COL18A1: variants seen among roughly 807,000 people sequenced by gnomAD.
The protein encoded by COL18A1 is collagen alpha-1(XVIII) chain.
In COL18A1, 133 loss-of-function variants were observed where a neutral mutation model predicts 168.0. The observed-to-expected ratio is 0.79, with a 90% CI of 0.69 to 0.91. The LOEUF is 0.91. Ranked by LOEUF, COL18A1 falls within the 40% of genes least tolerant of loss-of-function variation. The pLI, the probability that COL18A1 is intolerant of heterozygous loss-of-function variation, is 0.00. For missense variants in COL18A1, 2,126 were observed against 1,925.4 expected (o/e 1.10, Z -1.95); for synonymous variants, 949 against 809.0 (o/e 1.17, Z -2.94).
intron 17 of COL18A1, 95 bp from the exon 18 acceptor site, chr21:45,488,323 G>C: frequency 6.6e-7 from 1 of 1,518,916 alleles, no homozygotes; most frequent in Non-Finnish European, 9.1e-7. Flanking sequence ...GTATTTTGAA[G>C]TCTTGACTGT....
intron 41 of COL18A1, 149 bp downstream of exon 41, chr21:45,511,375 G>A (rs1455212252): frequency 8.9e-6 from 6 of 674,718 alleles, no homozygotes; most frequent in Admixed American, 4.2e-5. Context: ...AAAGAGCATT[G>A]AGAAAAATGA....
chr21:45,419,827 C>T (rs1356071783), intron 2 of COL18A1: 2 of 152,176 alleles, frequency 1.3e-5, no homozygotes, highest in African/African-American at 2.4e-5. Flanking sequence ...TAAAATGTCC[C>T]CCGGAACCCC....
chr21:45,462,800 T>C (rs1029807961), intron 2 of COL18A1, among the ~76,000 whole-genome samples: 29 of 152,256 alleles, frequency 1.9e-4, no homozygotes, highest in Admixed American at 1.0e-3. Context: ...TATTTTCTTA[T>C]TGCTTTGTGT....
chr21:45,434,784 G>A (rs2034056070), intron 2 of COL18A1, among the ~76,000 whole-genome samples: 2 of 149,360 alleles, frequency 1.3e-5, no homozygotes, highest in East Asian at 4.1e-4. Flanking sequence ...GGTCCCGGTG[G>A]GTTGCAGCCC....
intron 27 of COL18A1, 36 bp downstream of exon 27, chr21:45,494,607 G>C: frequency 6.2e-7 from 1 of 1,612,618 alleles, no homozygotes; most frequent in Middle Eastern, 1.7e-4. Context: ...CACTGAGCTC[G>C]GGCATGACGG....
At position 45,504,530 on chromosome 21, in the gene COL18A1, GGC is replaced by G; in HGVS notation, c.2843_2844del (p.Gly948AlafsTer138). 1 of 1,571,568 alleles carries G rather than the reference GGC, an allele frequency of 6.4e-7. No homozygotes were observed. Among genetic ancestry groups the G allele is most frequent in the Non-Finnish European group, 8.6e-7 (1 of 1,158,812 alleles). ...CCCCCCCGGCCCCCCAGGCCCCCCA[GGC>G]CCACGTGGCTACCCTGGGATTCCAG... ...PGPPGPPGPP[G>X]PRGYPGIPGP... On this transcript the variant is annotated frameshift_variant, in exon 34 of 42. Transcript: ENST00000651438. LOFTEE classifies it high-confidence loss of function.
At chr21:45,444,232 C>T (rs964534809) in intron 2 of COL18A1, among the ~76,000 whole-genome samples, 1 of 152,166 alleles carries the variant, frequency 6.6e-6, no homozygotes, top group East Asian at 1.9e-4. Flanking sequence ...TGTTCTCCAG[C>T]GCATCTTCAG....
intron 2 of COL18A1, chr21:45,407,915 T>C (rs2033165824): frequency 6.6e-6 from 1 of 152,278 alleles, no homozygotes. Context: ...TTCAGTGACC[T>C]GGGTTCCGTG....
intron 21 of COL18A1, among the ~76,000 whole-genome samples, 175 bp from the exon 22 acceptor site, chr21:45,491,050 C>T (rs897418034): frequency 3.3e-5 from 5 of 152,150 alleles, no homozygotes; most frequent in South Asian, 2.1e-4. Context: ...GTGGCTCAAC[C>T]GTCCCTGTTG....
At chr21:45,482,901 C>G in intron 15 of COL18A1, 80 bp downstream of exon 15, 4 of 1,605,260 alleles carry the variant, frequency 2.5e-6, no homozygotes, top group Middle Eastern at 1.8e-4. Flanking sequence ...AGGGTGGCAG[C>G]CCCACGGTCG....
At chr21:45,417,205 A>G (rs2033473268) in intron 2 of COL18A1, among the ~76,000 whole-genome samples, 2 of 152,102 alleles carry the variant, frequency 1.3e-5, no homozygotes, top group South Asian at 4.2e-4. Flanking sequence ...TCCTACCCTC[A>G]CTGCCAGACC....
At chr21:45,413,514 G>A (rs1458572553) in intron 2 of COL18A1, among the ~76,000 whole-genome samples, 5 of 152,254 alleles carry the variant, frequency 3.3e-5, no homozygotes, top group South Asian at 2.1e-4. Flanking sequence ...TTGCCCCAGC[G>A]AGGAGCTTTC....
chr21:45,488,990 C>A (rs1048698074), intron 18 of COL18A1, among the ~76,000 whole-genome samples: 1 of 152,160 alleles, frequency 6.6e-6, no homozygotes, highest in Non-Finnish European at 1.5e-5. Flanking sequence ...GGGCAGCAGC[C>A]GCCTTTCACC....
intron 2 of COL18A1, chr21:45,455,594 C>A: frequency 6.2e-7 from 1 of 1,613,950 alleles, no homozygotes; most frequent in Non-Finnish European, 8.5e-7. Context: ...GGCGGCTGCC[C>A]GGGCCAACCT....
At position 45,405,396 on chromosome 21, in the gene COL18A1, CGCG is replaced by C. The variant is rs1252621647; in HGVS notation, c.39_41del (p.Arg14del). 11 of 1,311,234 alleles carry C rather than the reference CGCG, an allele frequency of 8.4e-6. No homozygotes were observed. The South Asian group carries it at 9.7e-5, about 12-fold the overall frequency. The allele number at this position is 1,311,234 out of a possible 1,614,324, so 81.2% of individuals were successfully genotyped here. On this transcript the variant is annotated inframe_deletion, in exon 2 of 42. Coordinates refer to ENST00000651438, the MANE Select transcript of COL18A1 (RefSeq NM_001379500.1). ...CCGCGCAGGTGCCCCTGGCCATGGCCGCGGCGGCGGCGCCTCCTGGACGTGCTC... is the reference window on the plus strand; with the variant it reads ...CCGCGCAGGTGCCCCTGGCCATGGCCGCGGCGGCGCCTCCTGGACGTGCTC...
At chr21:45,482,440 G>A in intron 14 of COL18A1, 1 of 572,670 alleles carries the variant, frequency 1.7e-6, no homozygotes, top group Non-Finnish European at 3.2e-6. Flanking sequence ...TCAGATGAGA[G>A]CTGCACTGCT....
In COL18A1 at chr21:45,443,171, T is replaced by C. The variant is rs569738123; in HGVS notation, c.107-25071T>C. On this transcript the variant is annotated intron_variant, in intron 2 of 41. Transcript: ENST00000651438. The surrounding 1 kb of genome is among the most constrained non-coding windows in gnomAD (Gnocchi z 5.2). Reference sequence around the variant, plus strand: ...GTGTGGGCGGCGGTGCTGGTGTGGGTGGATTCCTGGAGGACAGCTGGGTCT... The same window carrying C: ...GTGTGGGCGGCGGTGCTGGTGTGGGCGGATTCCTGGAGGACAGCTGGGTCT... Among the ~76,000 whole-genome samples, 21 of 139,300 alleles carry C rather than the reference T, an allele frequency of 1.5e-4. No individual in the cohort carries two copies. The highest frequency in any genetic ancestry group is 2.5e-4 in the Non-Finnish European group (16 of 64,702). The allele number at this position is 139,300 out of a possible 152,430, so 91.4% of individuals were successfully genotyped here. A position where few individuals can be genotyped will look rare whatever the true frequency, so the allele number is the denominator to read the frequency against.
chr21:45,475,228 G>A (rs570153733), intron 4 of COL18A1, among the ~76,000 whole-genome samples: 23 of 152,356 alleles, frequency 1.5e-4, no homozygotes, highest in Admixed American at 4.6e-4. Context: ...CACCGGCCGA[G>A]GCAGGTTCAG....
intron 2 of COL18A1, among the ~76,000 whole-genome samples, chr21:45,437,641 G>C (rs1288664596): frequency 2.9e-5 from 1 of 34,052 alleles, no homozygotes; most frequent in Non-Finnish European, 4.8e-5. Flanking sequence ...CACTCACACA[G>C]GCACTCTCCT....
Sources: gnomAD v4.1 joint callset for allele counts (sites outside exome capture counted in the v4.1 genomes callset) on GRCh38, gnomAD v4.1.1 for gene constraint, Gnocchi (gnomAD v3.1) non-coding constraint, MANE v1.5 for transcripts, NCBI Gene and HGNC (gene_info 2026-07-23, HGNC 2026-07-21) for gene names.